WIPF3: variants seen among roughly 807,000 people sequenced by gnomAD.
WIPF3 encodes the protein WAS/WASL-interacting protein family member 3.
A neutral mutation model predicts 38.9 loss-of-function variants in WIPF3; 33 were observed. That is an observed-to-expected ratio of 0.85 (90% CI 0.64 to 1.14). The LOEUF (loss-of-function observed/expected upper bound fraction) is 1.14, where lower values mean the gene tolerates loss of function less well. Among genes scored for constraint, WIPF3 ranks in the 50% most tolerant of loss-of-function variants. WIPF3 has a pLI of 0.00. For missense variants in WIPF3, 711 were observed against 652.5 expected (o/e 1.09, Z -0.98); for synonymous variants, 324 against 269.3 (o/e 1.20, Z -1.99).
intron 2 of WIPF3, among the ~76,000 whole-genome samples, chr7:29,853,989 A>G (rs1252626304): frequency 6.6e-6 from 1 of 152,180 alleles, no homozygotes; most frequent in African/African-American, 2.4e-5. Context: ...TTTAAACACC[A>G]TTACACTTCG....
At chr7:29,899,194 G>A (rs900435422) in intron 7 of WIPF3, among the ~76,000 whole-genome samples, 5 of 152,014 alleles carry the variant, frequency 3.3e-5, no homozygotes, top group Non-Finnish European at 5.9e-5. Flanking sequence ...TGCACCTAAC[G>A]ACCTGCCAAA....
At chr7:29,853,139 G>T (rs573256693) in intron 2 of WIPF3, among the ~76,000 whole-genome samples, 2 of 152,308 alleles carry the variant, frequency 1.3e-5, no homozygotes, top group African/African-American at 4.8e-5. Context: ...ATGGGTGTAC[G>T]GGGAACTGGG....
Position 29,872,114 on chromosome 7 carries a change from A to G in WIPF3, c.91-3716A>G, listed in dbSNP as rs1215508620. 2.0e-5 allele frequency among the ~76,000 whole-genome samples: 3 copies of G among 152,164 alleles called. No individual in the cohort carries two copies. In the East Asian group the frequency reaches 5.8e-4, roughly 29 times the overall value. Reference sequence around the variant, plus strand: ...TTTGGTGCATAGTTTTGCCGTGGGAAAAGTGTCCAGGAATGGCTTTCTCTC... The same window carrying G: ...TTTGGTGCATAGTTTTGCCGTGGGAGAAGTGTCCAGGAATGGCTTTCTCTC... On this transcript the variant is annotated intron_variant, in intron 2 of 8. Coordinates refer to ENST00000242140, the MANE Select transcript of WIPF3 (RefSeq NM_001080529.3).
intron 2 of WIPF3, among the ~76,000 whole-genome samples, chr7:29,853,264 C>T (rs990214895): frequency 5.9e-5 from 9 of 152,168 alleles, no homozygotes; most frequent in Non-Finnish European, 1.2e-4. Context: ...TGTGCCTTCT[C>T]CTCTAGGAGT....
intron 2 of WIPF3, among the ~76,000 whole-genome samples, chr7:29,858,309 G>A (rs1034969538): frequency 6.6e-6 from 1 of 152,128 alleles, no homozygotes. Context: ...CAAGGCTGTA[G>A]CCTCTTCCAT....
At position 29,839,428 on chromosome 7, in the gene WIPF3, AG is replaced by A. The variant is rs1784880280; in HGVS notation, c.90+4618del. Among the ~76,000 whole-genome samples, 12 of 152,312 alleles carry A rather than the reference AG, an allele frequency of 7.9e-5. No homozygotes were observed. In the South Asian group the frequency reaches 2.1e-3, roughly 26 times the overall value. On this transcript the variant is annotated intron_variant, in intron 2 of 8. Coordinates refer to ENST00000242140, the MANE Select transcript of WIPF3 (RefSeq NM_001080529.3). ...CACCCACAGATGCTTCTTACTGCAA[AG>A]GGGAAAGTGTCTCTTTAAAATGGAT...
chr7:29,914,441 T>C (rs1786565410), intron 8 of WIPF3, 52 bp from the exon 9 acceptor site: 2 of 1,400,756 alleles, frequency 1.4e-6, no homozygotes, highest in Non-Finnish European at 9.4e-7. Flanking sequence ...AAGGCTTTCA[T>C]GTGCAAGAGT....
At chr7:29,828,686 T>A (rs576911664) in intron 1 of WIPF3, among the ~76,000 whole-genome samples, 1 of 152,230 alleles carries the variant, frequency 6.6e-6, no homozygotes, top group Admixed American at 6.5e-5. Flanking sequence ...CCCAGGTCCA[T>A]GTCCTGTAGC....
intron 2 of WIPF3, among the ~76,000 whole-genome samples, chr7:29,865,573 G>A (rs1024836917): frequency 1.3e-5 from 2 of 152,076 alleles, no homozygotes; most frequent in African/African-American, 4.8e-5. Flanking sequence ...GGAAGGAAAG[G>A]CCTCTACTCT....
At chr7:29,895,024 T>G (rs146775025) in intron 7 of WIPF3, among the ~76,000 whole-genome samples, 1,638 of 152,082 alleles carry the variant, frequency 0.011, 33 homozygotes, top group African/African-American at 0.038. Context: ...TGATCTCGGC[T>G]CACTACAACC....
At chr7:29,882,912 C>T (rs1428231769) in intron 4 of WIPF3, among the ~76,000 whole-genome samples, 4 of 152,116 alleles carry the variant, frequency 2.6e-5, no homozygotes, top group Non-Finnish European at 5.9e-5. Flanking sequence ...AGTGATACTC[C>T]AAGGACATCT....
intron 2 of WIPF3, among the ~76,000 whole-genome samples, chr7:29,854,682 G>A (rs1158523848): frequency 6.6e-6 from 1 of 152,218 alleles, no homozygotes; most frequent in African/African-American, 2.4e-5. Context: ...GGAGATGGGT[G>A]TTGGCTCCGC....
chr7:29,808,298 G>C (rs1481182205), intron 1 of WIPF3, among the ~76,000 whole-genome samples: 3 of 152,182 alleles, frequency 2.0e-5, no homozygotes, highest in African/African-American at 7.2e-5. Context: ...GGCGAGGAGG[G>C]GCAAAAGAAA....
At chr7:29,886,513 C>T (rs1785885750) in intron 5 of WIPF3, among the ~76,000 whole-genome samples, 1 of 151,928 alleles carries the variant, frequency 6.6e-6, no homozygotes, top group Non-Finnish European at 1.5e-5. Flanking sequence ...TGCACCACCA[C>T]ACCTGGCTAA....
intron 7 of WIPF3, among the ~76,000 whole-genome samples, chr7:29,902,124 A>G (rs1786295380): frequency 6.6e-6 from 1 of 152,164 alleles, no homozygotes; most frequent in African/African-American, 2.4e-5. Flanking sequence ...CCAAATGTCA[A>G]TAAAGCCAAG....
intron 7 of WIPF3, among the ~76,000 whole-genome samples, chr7:29,894,035 A>G (rs1786081580): frequency 1.3e-5 from 2 of 152,226 alleles, no homozygotes; most frequent in South Asian, 2.1e-4. Flanking sequence ...CTGTGTTCCA[A>G]TAAAACTTTA....
At chr7:29,903,791 A>G (rs749482833) in intron 7 of WIPF3, among the ~76,000 whole-genome samples, 34 of 152,222 alleles carry the variant, frequency 2.2e-4, no homozygotes, top group Non-Finnish European at 4.1e-4. Flanking sequence ...CAAGAAGAGA[A>G]GAGGAACTTT....
At chr7:29,883,194 A>G (rs1188416476) in intron 4 of WIPF3, among the ~76,000 whole-genome samples, 1 of 152,226 alleles carries the variant, frequency 6.6e-6, no homozygotes, top group Admixed American at 6.5e-5. Context: ...AGGATGAGAA[A>G]GCCAAAACCC....
intron 7 of WIPF3, among the ~76,000 whole-genome samples, chr7:29,890,470 G>A (rs576966841): frequency 1.3e-5 from 2 of 152,150 alleles, no homozygotes; most frequent in South Asian, 4.2e-4. Flanking sequence ...ATTATAGAGT[G>A]AGTGTCAAAT....
Sources: allele counts gnomAD v4.1 joint callset (sites outside exome capture counted in the v4.1 genomes callset), GRCh38; gene constraint gnomAD v4.1.1; transcripts MANE v1.5; gene names NCBI Gene and HGNC (gene_info 2026-07-23, HGNC 2026-07-21).